TNFAIP1: variants seen among roughly 807,000 people sequenced by gnomAD.
The protein encoded by TNFAIP1 is TNF alpha induced protein 1.
Under a neutral mutation model 32.6 loss-of-function variants are expected in TNFAIP1, and 20 were observed. The observed-to-expected ratio is 0.61, with a 90% CI of 0.43 to 0.89. The LOEUF (loss-of-function observed/expected upper bound fraction) is 0.89. Ranked by LOEUF, TNFAIP1 falls within the 40% of genes least tolerant of loss-of-function variation. The pLI, the probability that TNFAIP1 is intolerant of heterozygous loss-of-function variation, is 0.00. For missense variants in TNFAIP1, 319 were observed against 425.1 expected (o/e 0.75, Z 2.20); for synonymous variants, 166 against 166.8 (o/e 1.00, Z 0.04).
chr17:28,344,266 T>C, intron 6 of TNFAIP1, 98 bp from the exon 7 acceptor site: 1 of 1,018,008 alleles, frequency 9.8e-7, no homozygotes, highest in East Asian at 2.4e-5. Flanking sequence ...TTATGAGAGG[T>C]AGCGGAGGCC....
chr17:28,346,436 C>T lies in TNFAIP1; in HGVS notation c.*1836C>T, dbSNP rs572796896. 6.6e-6 allele frequency: 1 copy of T among 152,240 alleles called. No individual in the cohort carries two copies. The highest frequency in any genetic ancestry group is 1.5e-5 in the Non-Finnish European group (1 of 68,054). The allele number at this position is 152,240 out of a possible 1,614,324, so 9.4% of individuals were successfully genotyped here. A position where few individuals can be genotyped will look rare whatever the true frequency, so the allele number is the denominator to read the frequency against. On this transcript the variant is annotated 3_prime_UTR_variant, in exon 7 of 7. Transcript: ENST00000226225. ...TTTAACACTCAAATTCCCAGCTCCCCACTGAGGTGTTGTGATGCTTGCCTT... is the reference window on the plus strand; with the variant it reads ...TTTAACACTCAAATTCCCAGCTCCCTACTGAGGTGTTGTGATGCTTGCCTT...
Position 28,339,620 on chromosome 17 carries a change from C to T in TNFAIP1, c.99C>T (p.Asn33=), listed in dbSNP as rs1023473812. 5.6e-6 allele frequency: 9 copies of T among 1,613,808 alleles called. No individual in the cohort carries two copies. The East Asian group carries it at 6.7e-5, about 12-fold the overall frequency. Residue 33 remains asparagine (N), a synonymous_variant, in exon 2 of 7, where the codon AAC becomes AAT. Coordinates refer to ENST00000226225, the MANE Select transcript of TNFAIP1 (RefSeq NM_021137.5). Reference sequence around the variant, plus strand: ...TGGGCAACAAGTATGTCCAGCTCAACGTGGGCGGCTCTCTGTACTACACCA... The same window carrying T: ...TGGGCAACAAGTATGTCCAGCTCAATGTGGGCGGCTCTCTGTACTACACCA... ...GGLGNKYVQL[N]VGGSLYYTTV...
In TNFAIP1 at chr17:28,340,410, GA is replaced by G. The variant is rs1555577995; in HGVS notation, c.309del (p.Glu103AspfsTer2). ...TLPQNRQEIK[E>X]LMAEAKYYLI... ...CCCTCAGAACCGGCAAGAAATCAAG[GA>G]ATTGATGGCTGAAGCAAAGTATTAC... is the stretch of plus-strand genomic sequence containing the variant. On this transcript the variant is annotated frameshift_variant, in exon 3 of 7. Coordinates refer to ENST00000226225, the MANE Select transcript of TNFAIP1 (RefSeq NM_021137.5). LOFTEE classifies it high-confidence loss of function. The surrounding 1 kb of genome is among the most constrained non-coding windows in gnomAD (Gnocchi z 4.1). The G allele has an allele frequency of 1.1e-5, 18 of 1,613,856 alleles. No individual in the cohort carries two copies. The highest frequency in any genetic ancestry group is 1.4e-5 in the Non-Finnish European group (17 of 1,179,848).
rs1489858221 is a variant in TNFAIP1 at position 28,335,810 on chromosome 17, G to T, written c.-161G>T. 1 of 152,344 alleles carries T rather than the reference G, an allele frequency of 6.6e-6. No homozygotes were observed. The highest frequency in any genetic ancestry group is 1.5e-5 in the Non-Finnish European group (1 of 68,162). 9.4% of individuals were successfully genotyped at this position (152,344 alleles called of 1,614,324 possible). The stretch of plus-strand genomic sequence containing the variant: ...GGCGGCTGCAGGCTAGGGGCGGCTC[G>T]GAGTCCGCTGGCCACCCAGCTGAGA... On this transcript the variant is annotated 5_prime_UTR_variant, in exon 1 of 7. Transcript: ENST00000226225.
In TNFAIP1 at chr17:28,339,756, GGGAGGGCA is replaced by G. The variant is rs1567786027; in HGVS notation, c.205+36_205+43del. 1.1e-5 allele frequency: 17 copies of G among 1,605,826 alleles called. No homozygotes were observed. In the South Asian group the frequency reaches 1.9e-4, roughly 18 times the overall value. ...GGCACTGGGGCTGCCGCTCGGGGTG[GGGAGGGCA>G]GGAGGAGTTCCCAAGGAAATGACCA... On this transcript the variant is annotated intron_variant, in intron 2 of 6. Transcript: ENST00000226225.
In TNFAIP1 at chr17:28,341,337, C is replaced by T. The variant is rs2142384648; in HGVS notation, c.465+11C>T. Reference sequence around the variant, plus strand: ...GAATCCTCCACCAAGGTACCAGGACCTCTGAGGGGTGCGGGCCGGGGATGC... The same window carrying T: ...GAATCCTCCACCAAGGTACCAGGACTTCTGAGGGGTGCGGGCCGGGGATGC... On this transcript the variant is annotated intron_variant, in intron 4 of 6. Coordinates refer to ENST00000226225, the MANE Select transcript of TNFAIP1 (RefSeq NM_021137.5). 6.2e-7 allele frequency: 1 copy of T among 1,614,214 alleles called. No individual in the cohort carries two copies. Among genetic ancestry groups the T allele is most frequent in the Non-Finnish European group, 8.5e-7 (1 of 1,180,028 alleles).
At chr17:28,336,192 C>T (rs1907146370) in intron 1 of TNFAIP1, among the ~76,000 whole-genome samples, 1 of 152,236 alleles carries the variant, frequency 6.6e-6, no homozygotes, top group African/African-American at 2.4e-5. Flanking sequence ...GGTCCTTCTT[C>T]CTTTTAGACC....
chr17:28,340,601 A>C lies in TNFAIP1; in HGVS notation c.375+123A>C. 2 of 1,140,714 alleles carry C rather than the reference A, an allele frequency of 1.8e-6. No individual in the cohort carries two copies. The highest frequency in any genetic ancestry group is 2.5e-6 in the Non-Finnish European group (2 of 810,648). 70.7% of individuals were successfully genotyped at this position (1,140,714 alleles called of 1,614,324 possible). On this transcript the variant is annotated intron_variant, in intron 3 of 6. Transcript: ENST00000226225. This position sits in a 1 kb window ranked among gnomAD's most constrained non-coding sequence, Gnocchi z 4.1. ...GGCGTGGTTGATGAGTGCAAACCTA[A>C]TGAGACAAGTGAGATGCCACCCAGG...
chr17:28,342,523 G>T lies in TNFAIP1; in HGVS notation c.714+81G>T. On this transcript the variant is annotated intron_variant, in intron 6 of 6. Transcript: ENST00000226225. The surrounding 1 kb of genome is among the most constrained non-coding windows in gnomAD (Gnocchi z 4.0). ...GACGTGGTCGGGCTGTGACCAGCAC[G>T]GAGCAAAAGGGGCATGGACTTGGCT... The T allele has an allele frequency of 7.4e-7, 1 of 1,344,378 alleles. No individual in the cohort carries two copies. 83.3% of individuals were successfully genotyped at this position (1,344,378 alleles called of 1,614,324 possible). A position where few individuals can be genotyped will look rare whatever the true frequency, so the allele number is the denominator to read the frequency against.
Position 28,341,311 on chromosome 17 carries a change from C to T in TNFAIP1, c.450C>T (p.Ile150=), listed in dbSNP as rs782122584. 9 of 1,614,220 alleles carry T rather than the reference C, an allele frequency of 5.6e-6. No homozygotes were observed. The highest frequency in any genetic ancestry group is 1.7e-5 in the Admixed American group (1 of 60,030). ...CCCTAAAGGAGGAGGAGCGGCTCATCGAATCCTCCACCAAGGTACCAGGAC... is the reference window on the plus strand; with the variant it reads ...CCCTAAAGGAGGAGGAGCGGCTCATTGAATCCTCCACCAAGGTACCAGGAC... The part of the protein sequence containing the change: ...ITSLKEEERL[I]ESSTKPVVKL... Residue 150 remains isoleucine (I), a synonymous_variant, in exon 4 of 7, where the codon ATC becomes ATT. Coordinates refer to ENST00000226225, the MANE Select transcript of TNFAIP1 (RefSeq NM_021137.5).
rs1339665272 is a variant in TNFAIP1, at chr17:28,342,629, G to A, written c.714+187G>A. 1.9e-6 allele frequency: 1 copy of A among 539,232 alleles called. No individual in the cohort carries two copies. Among genetic ancestry groups the A allele is most frequent in the East Asian group, 2.9e-5 (1 of 35,046 alleles). The allele number at this position is 539,232 out of a possible 1,614,324, so 33.4% of individuals were successfully genotyped here. A position where few individuals can be genotyped will look rare whatever the true frequency, so the allele number is the denominator to read the frequency against. Reference sequence around the variant, plus strand: ...GTGGGGAATGGACGGGAACTGCTTTGTTCCTGACAGCGCAGGGCAGGGGCC... The same window carrying A: ...GTGGGGAATGGACGGGAACTGCTTTATTCCTGACAGCGCAGGGCAGGGGCC... On this transcript the variant is annotated intron_variant, in intron 6 of 6. Transcript: ENST00000226225. The surrounding 1 kb of genome is among the most constrained non-coding windows in gnomAD (Gnocchi z 4.0).
Position 28,340,456 on chromosome 17 carries a change from A to G in TNFAIP1, c.353A>G (p.Asn118Ser). 6.2e-7 allele frequency: 1 copy of G among 1,613,476 alleles called. No homozygotes were observed. The highest frequency in any genetic ancestry group is 1.1e-5 in the South Asian group (1 of 91,060). The change falls in exon 3 of 7, where the codon AAT becomes AGT. Residue 118 changes from asparagine (N) to serine (S), a missense_variant. Coordinates refer to ENST00000226225, the MANE Select transcript of TNFAIP1 (RefSeq NM_021137.5). The surrounding 1 kb of genome is among the most constrained non-coding windows in gnomAD (Gnocchi z 4.1). ...TATTACCTCATCCAGGGGCTGGTGA[A>G]TATGTGCCAGAGTGCCCTGCAGGTA... ...AKYYLIQGLV[N>S]MCQSALQDKK...
At chr17:28,338,429 T>G (rs1555577657) in intron 1 of TNFAIP1, among the ~76,000 whole-genome samples, 1 of 152,166 alleles carries the variant, frequency 6.6e-6, no homozygotes, top group African/African-American at 2.4e-5. Context: ...GGTGACAATT[T>G]CAGGAACTTG....
chr17:28,336,168 C>T (rs1555577400), intron 1 of TNFAIP1, among the ~76,000 whole-genome samples: 2 of 152,342 alleles, frequency 1.3e-5, no homozygotes, highest in South Asian at 2.1e-4. Context: ...TCCTCCGTGT[C>T]TGACGGATTT....
At position 28,342,724 on chromosome 17, in the gene TNFAIP1, T is replaced by C. The variant is rs1274495261; in HGVS notation, c.714+282T>C. ...CTTTGAAGTTGGCCCAATTCAGGTT[T>C]GAACGCTGGCTCACACCACTTGCCA... On this transcript the variant is annotated intron_variant, in intron 6 of 6. Transcript: ENST00000226225. The surrounding 1 kb of genome is among the most constrained non-coding windows in gnomAD (Gnocchi z 4.0). Among the ~76,000 whole-genome samples the C allele has an allele frequency of 6.6e-6, 1 of 152,244 alleles. No individual in the cohort carries two copies. Among genetic ancestry groups the C allele is most frequent in the Non-Finnish European group, 1.5e-5 (1 of 68,034 alleles).
Position 28,341,457 on chromosome 17 carries a change from G to C in TNFAIP1, c.518+1G>C. On this transcript the variant is annotated splice_donor_variant, in intron 5 of 6. Transcript: ENST00000226225. LOFTEE classifies it high-confidence loss of function. ...GCAACAACAAGTATTCCTACACCAG[G>C]TAGGGTGCGTCACAGGGCTCAACAG... The C allele has an allele frequency of 6.2e-7, 1 of 1,614,108 alleles. No homozygotes were observed. Among genetic ancestry groups the C allele is most frequent in the Non-Finnish European group, 8.5e-7 (1 of 1,180,004 alleles).
At position 28,342,373 on chromosome 17, in the gene TNFAIP1, C is replaced by T. The variant is rs781858693; in HGVS notation, c.645C>T (p.Gly215=). ...AGATCTGCTGCTGGTCCTTTTATGG[C>T]CAGGGCCGTAAGCTGGCAGAGGTGT... ...GDEICCWSFY[G]QGRKLAEVCC... is the part of the protein sequence containing the mutation. The change falls in exon 6 of 7, where the codon GGC becomes GGT. Residue 215 remains glycine (G), a synonymous_variant. Coordinates refer to ENST00000226225, the MANE Select transcript of TNFAIP1 (RefSeq NM_021137.5). This position sits in a 1 kb window ranked among gnomAD's most constrained non-coding sequence, Gnocchi z 4.0. The T allele has an allele frequency of 1.9e-6, 3 of 1,606,930 alleles. No individual in the cohort carries two copies. The East Asian group carries it at 6.7e-5, about 36-fold the overall frequency.
At position 28,340,301 on chromosome 17, in the gene TNFAIP1, AC is replaced by A; in HGVS notation, c.206-4del. The A allele has an allele frequency of 6.2e-7, 1 of 1,613,018 alleles. No homozygotes were observed. The highest frequency in any genetic ancestry group is 8.5e-7 in the Non-Finnish European group (1 of 1,179,370). On this transcript the variant is annotated splice_polypyrimidine_tract_variant and splice_region_variant and intron_variant, in intron 2 of 6. Coordinates refer to ENST00000226225, the MANE Select transcript of TNFAIP1 (RefSeq NM_021137.5). The surrounding 1 kb of genome is among the most constrained non-coding windows in gnomAD (Gnocchi z 4.1). ...AAACTAACCCTGTAGGGCCTTCTGC[AC>A]CCCTAGGCTGGATCCTCATAGACCG...
rs1555578406 is a variant in TNFAIP1 at position 28,342,848 on chromosome 17, T to C, written c.714+406T>C. Among the ~76,000 whole-genome samples, 1 of 152,112 alleles carries C rather than the reference T, an allele frequency of 6.6e-6. No homozygotes were observed. The stretch of plus-strand genomic sequence containing the variant: ...GTATGAATTTAACGAGATATGAAAA[T>C]GATACAACTCTTTGGAGCAGCAGTG... On this transcript the variant is annotated intron_variant, in intron 6 of 6. Transcript: ENST00000226225. The surrounding 1 kb of genome is among the most constrained non-coding windows in gnomAD (Gnocchi z 4.0).
Sources: allele counts gnomAD v4.1 joint callset (sites outside exome capture counted in the v4.1 genomes callset), GRCh38; gene constraint gnomAD v4.1.1; non-coding constraint Gnocchi (gnomAD v3.1); transcripts MANE v1.5; gene names NCBI Gene and HGNC (gene_info 2026-07-23, HGNC 2026-07-21).